The following CDH9 variants were observed in gnomAD, a reference collection of about 807,000 sequenced individuals.
CDH9 encodes cadherin-9.
In CDH9, 28 loss-of-function variants were observed where a neutral mutation model predicts 70.9. The observed-to-expected ratio is 0.40, with a 90% CI of 0.29 to 0.54. The LOEUF is 0.54. Among genes scored for constraint, CDH9 ranks in the 20% least tolerant of loss-of-function variants. CDH9 has a pLI of 0.59. For synonymous variants in CDH9, 409 were observed against 343.1 expected (o/e 1.19, Z -2.12); for missense variants, 874 against 984.4 (o/e 0.89, Z 1.50).
rs544609832 is a variant in CDH9 at position 26,915,535 on chromosome 5, T to G, written c.523+95A>C. On this transcript the variant is annotated intron_variant, in intron 3 of 11. Coordinates refer to ENST00000231021, the MANE Select transcript of CDH9 (RefSeq NM_016279.4). ...TAGTTAACAGTTATAACTCTTATTCTGAAAGAGGCCACATATCATAACCAC... is the reference window on the plus strand; with the variant it reads ...TAGTTAACAGTTATAACTCTTATTCGGAAAGAGGCCACATATCATAACCAC... The G allele has an allele frequency of 3.4e-4, 251 of 727,764 alleles. 2 individuals are homozygous for G. The African/African-American group carries it at 4.1e-3, about 12-fold the overall frequency. The allele number at this position is 727,764 out of a possible 1,614,324, so 45.1% of individuals were successfully genotyped here. A position where few individuals can be genotyped will look rare whatever the true frequency, so the allele number is the denominator to read the frequency against.
At chr5:26,927,683 G>A (rs756342457) in intron 2 of CDH9, among the ~76,000 whole-genome samples, 2 of 151,970 alleles carry the variant, frequency 1.3e-5, no homozygotes, top group Non-Finnish European at 2.9e-5. Context: ...TTAGGATTTT[G>A]CACTAGATTC....
chr5:27,023,724 T>TA (rs1412305275), intron 1 of CDH9, among the ~76,000 whole-genome samples: 1 of 152,044 alleles, frequency 6.6e-6, no homozygotes, highest in Non-Finnish European at 1.5e-5. Flanking sequence ...CCAACAGAGA[T>TA]AAAATCTTGT....
chr5:27,013,416 TA>T (rs1269281718), intron 1 of CDH9, among the ~76,000 whole-genome samples: 1 of 152,012 alleles, frequency 6.6e-6, no homozygotes. Flanking sequence ...ATTTATCTTT[TA>T]ACATACTCTA....
chr5:26,961,762 C>T (rs552301999), intron 2 of CDH9, among the ~76,000 whole-genome samples: 28 of 152,134 alleles, frequency 1.8e-4, no homozygotes, highest in Non-Finnish European at 3.8e-4. Flanking sequence ...ATATGAAAGA[C>T]TTAGCATGCA....
chr5:26,924,479 A>G (rs914715156), intron 2 of CDH9, among the ~76,000 whole-genome samples: 5 of 150,766 alleles, frequency 3.3e-5, no homozygotes, highest in African/African-American at 4.8e-5. Context: ...AATAATTCAA[A>G]CCAACTATAG....
intron 2 of CDH9, among the ~76,000 whole-genome samples, chr5:26,982,999 T>A (rs1742426536): frequency 6.6e-6 from 1 of 152,096 alleles, no homozygotes; most frequent in Admixed American, 6.6e-5. Context: ...AATAAGATTT[T>A]AAGAGATGAT....
chr5:26,999,607 A>T (rs1579504494), intron 1 of CDH9, among the ~76,000 whole-genome samples: 1 of 152,186 alleles, frequency 6.6e-6, no homozygotes, highest in African/African-American at 2.4e-5. Flanking sequence ...TGACAAAGGG[A>T]CAAAGGCAAT....
chr5:26,907,764 A>G (rs1156358), intron 3 of CDH9, among the ~76,000 whole-genome samples: 17,042 of 152,006 alleles, frequency 0.11, 1,622 homozygotes, highest in East Asian at 0.48. Context: ...CCCTTGGACA[A>G]AGCTAGATTG....
intron 2 of CDH9, among the ~76,000 whole-genome samples, chr5:26,987,464 A>G (rs1327615937): frequency 6.6e-6 from 1 of 151,988 alleles, no homozygotes; most frequent in Non-Finnish European, 1.5e-5. Flanking sequence ...GAGCTAAAGA[A>G]AAAGAAGTCT....
intron 2 of CDH9, among the ~76,000 whole-genome samples, chr5:26,950,448 T>G (rs553769579): frequency 3.0e-4 from 45 of 152,132 alleles, no homozygotes; most frequent in Non-Finnish European, 5.4e-4. Context: ...GAAAAAATAT[T>G]TTATGTTCTG....
chr5:26,965,396 T>C (rs1244206322), intron 2 of CDH9, among the ~76,000 whole-genome samples: 2 of 151,754 alleles, frequency 1.3e-5, no homozygotes, highest in Admixed American at 6.6e-5. Context: ...GCCAACATAG[T>C]GAAACCCCAT....
chr5:26,964,503 C>A (rs1423218660), intron 2 of CDH9, among the ~76,000 whole-genome samples: 1 of 152,096 alleles, frequency 6.6e-6, no homozygotes, highest in Non-Finnish European at 1.5e-5. Context: ...CTCAACCAAC[C>A]AATGAACCAA....
chr5:26,988,072 T>G, intron 2 of CDH9, 34 bp downstream of exon 2: 1 of 1,489,486 alleles, frequency 6.7e-7, no homozygotes, highest in East Asian at 2.3e-5. Flanking sequence ...GCTGTCACTT[T>G]CAGCTTTTAG....
At chr5:26,913,866 CA>C (rs1741098421) in intron 3 of CDH9, among the ~76,000 whole-genome samples, 1 of 150,482 alleles carries the variant, frequency 6.6e-6, no homozygotes, top group African/African-American at 2.5e-5. Context: ...TCACATGAGA[CA>C]AAATACATTT....
At chr5:26,902,839 T>A (rs1354064242) in intron 6 of CDH9, 110 bp from the exon 7 acceptor site, 4 of 624,088 alleles carry the variant, frequency 6.4e-6, no homozygotes, top group Non-Finnish European at 1.1e-5. Flanking sequence ...CAATTCTATT[T>A]AAATGACAAT....
intron 4 of CDH9, 152 bp from the exon 5 acceptor site, chr5:26,906,278 A>T: frequency 1.6e-6 from 1 of 638,502 alleles, no homozygotes; most frequent in Non-Finnish European, 2.6e-6. Context: ...CTTTAAGATA[A>T]TTCACAGAAC....
intron 1 of CDH9, among the ~76,000 whole-genome samples, chr5:27,023,971 G>T (rs1349675188): frequency 1.3e-5 from 2 of 151,968 alleles, no homozygotes; most frequent in East Asian, 3.9e-4. Context: ...AGGTTTGCTT[G>T]AACCCGGGAG....
Position 26,940,173 on chromosome 5 carries a change from AAAG to A in CDH9, c.229-24252_229-24250del, listed in dbSNP as rs1359961644. 4.6e-5 allele frequency among the ~76,000 whole-genome samples: 7 copies of A among 151,740 alleles called. No homozygotes were observed. The East Asian group carries it at 1.4e-3, about 29-fold the overall frequency. On this transcript the variant is annotated intron_variant, in intron 2 of 11. Coordinates refer to ENST00000231021, the MANE Select transcript of CDH9 (RefSeq NM_016279.4). ...GCGAGACTCAGTTGCAAAAAAAAAA[AAAG>A]AAAGGAGATTTTTTTGACAAATTAC... is the stretch of plus-strand genomic sequence containing the variant.
intron 2 of CDH9, among the ~76,000 whole-genome samples, chr5:26,930,517 T>G (rs1193847794): frequency 9.2e-5 from 14 of 152,124 alleles, no homozygotes. Context: ...GAAAAAAATC[T>G]GCATATAAGT....
Sources: allele counts gnomAD v4.1 joint callset (sites outside exome capture counted in the v4.1 genomes callset), GRCh38; gene constraint gnomAD v4.1.1; transcripts MANE v1.5; gene names NCBI Gene and HGNC (gene_info 2026-07-23, HGNC 2026-07-21).